Variants in GALNTL6 observed in about 807,000 individuals in gnomAD.
GALNTL6 encodes polypeptide N-acetylgalactosaminyltransferase like 6, also known as polypeptide N-acetylgalactosaminyltransferase-like 6.
GALNTL6 carries 46 observed loss-of-function variants against 73.7 expected under a neutral mutation model. That is an observed-to-expected ratio of 0.62 (90% CI 0.49 to 0.80). GALNTL6 has a LOEUF of 0.80. Ranked by LOEUF, GALNTL6 falls within the 30% of genes least tolerant of loss-of-function variation. GALNTL6 has a pLI of 0.00. For missense variants in GALNTL6, 604 were observed against 755.0 expected, an observed-to-expected ratio of 0.80 and a Z score of 2.34; for synonymous variants, 259 against 263.7, an observed-to-expected ratio of 0.98 and a Z score of 0.17.
chr4:172,222,070 G>A (rs559926632), intron 2 of GALNTL6, among the ~76,000 whole-genome samples: 4 of 151,680 alleles, frequency 2.6e-5, no homozygotes, highest in Admixed American at 1.3e-4. Context: ...GGAGAAAAGG[G>A]GATCAACACA....
At chr4:172,400,503 TA>T (rs1049939236) in intron 5 of GALNTL6, among the ~76,000 whole-genome samples, 1 of 152,110 alleles carries the variant, frequency 6.6e-6, no homozygotes, top group Non-Finnish European at 1.5e-5. Flanking sequence ...TGACGTATGT[TA>T]AAAATGCATG....
chr4:172,828,956 C>T (rs4696031), intron 7 of GALNTL6, among the ~76,000 whole-genome samples: 40,033 of 152,046 alleles, frequency 0.26, 7,124 homozygotes, highest in African/African-American at 0.5. Flanking sequence ...GTCAAGGTGT[C>T]GGCGGAGCTA....
intron 5 of GALNTL6, among the ~76,000 whole-genome samples, chr4:172,525,642 C>T (rs978252322): frequency 7.2e-5 from 11 of 152,000 alleles, no homozygotes; most frequent in African/African-American, 2.2e-4. Context: ...GCAGGAGGAC[C>T]GTTTGAGCCC....
intron 2 of GALNTL6, among the ~76,000 whole-genome samples, chr4:172,051,927 T>A (rs1730884633): frequency 6.6e-6 from 1 of 152,146 alleles, no homozygotes; most frequent in Admixed American, 6.6e-5. Context: ...AGAGTCAACC[T>A]TTCCAGCATT....
intron 8 of GALNTL6, 87 bp from the exon 9 acceptor site, chr4:172,931,074 A>AT: frequency 1.3e-6 from 1 of 788,378 alleles, no homozygotes; most frequent in South Asian, 1.5e-5. Context: ...ACTTTTAGAG[A>AT]TTTTAAGATG....
chr4:172,868,712 C>G (rs564310565), intron 7 of GALNTL6, among the ~76,000 whole-genome samples: 1 of 152,188 alleles, frequency 6.6e-6, no homozygotes, highest in Non-Finnish European at 1.5e-5. Context: ...GCTGGGCACC[C>G]GTGGGACCCA....
chr4:172,748,601 C>T (rs1260937209), intron 5 of GALNTL6, among the ~76,000 whole-genome samples: 4 of 151,906 alleles, frequency 2.6e-5, no homozygotes, highest in Non-Finnish European at 5.9e-5. Context: ...TTACCAGAGG[C>T]TGGGGTTACG....
chr4:172,179,205 G>C (rs1579220341), intron 2 of GALNTL6, among the ~76,000 whole-genome samples: 1 of 150,406 alleles, frequency 6.6e-6, no homozygotes, highest in South Asian at 2.1e-4. Context: ...GGTATTTCTA[G>C]TTCTAGATCC....
At chr4:172,376,415 A>T (rs1281001208) in intron 5 of GALNTL6, among the ~76,000 whole-genome samples, 2 of 152,046 alleles carry the variant, frequency 1.3e-5, no homozygotes, top group Non-Finnish European at 2.9e-5. Context: ...GGCACCCCGG[A>T]GCTGAATGGC....
chr4:173,007,494 G>A (rs934970739), intron 10 of GALNTL6, among the ~76,000 whole-genome samples: 5 of 152,100 alleles, frequency 3.3e-5, no homozygotes, highest in Admixed American at 2.6e-4. Context: ...GAAGATTGGC[G>A]AAACCTTCAA....
At chr4:171,929,785 C>A (rs1312936607) in intron 2 of GALNTL6, among the ~76,000 whole-genome samples, 2 of 152,204 alleles carry the variant, frequency 1.3e-5, no homozygotes, top group African/African-American at 2.4e-5. Flanking sequence ...CTGCAGCAGC[C>A]ACCCAGTCCC....
intron 5 of GALNTL6, among the ~76,000 whole-genome samples, chr4:172,673,833 T>C (rs1314444387): frequency 6.6e-6 from 1 of 152,218 alleles, no homozygotes; most frequent in South Asian, 2.1e-4. Flanking sequence ...TGGATTTTTC[T>C]CCCTCCCTTT....
At chr4:172,832,279 A>T (rs1742680800) in intron 7 of GALNTL6, among the ~76,000 whole-genome samples, 1 of 152,190 alleles carries the variant, frequency 6.6e-6, no homozygotes, top group African/African-American at 2.4e-5. Flanking sequence ...GTGGGAAGTT[A>T]ATTACTTACT....
chr4:172,893,797 T>C (rs1746177861), intron 8 of GALNTL6, among the ~76,000 whole-genome samples: 1 of 152,188 alleles, frequency 6.6e-6, no homozygotes, highest in Non-Finnish European at 1.5e-5. Context: ...CTGGGATCCA[T>C]GCAGGTTTGA....
intron 2 of GALNTL6, among the ~76,000 whole-genome samples, chr4:171,972,218 T>C (rs1739593779): frequency 6.6e-6 from 1 of 152,178 alleles, no homozygotes; most frequent in Non-Finnish European, 1.5e-5. Context: ...CATATATATG[T>C]GTGTGTGCAT....
intron 2 of GALNTL6, among the ~76,000 whole-genome samples, chr4:172,069,567 A>ATAT (rs1301342123): frequency 1.1e-4 from 6 of 55,080 alleles, no homozygotes; most frequent in Admixed American, 2.1e-4. Context: ...TATATATAAC[A>ATAT]CATATATGTT....
chr4:172,759,615 G>C (rs553411109), intron 5 of GALNTL6, among the ~76,000 whole-genome samples: 1 of 152,206 alleles, frequency 6.6e-6, no homozygotes, highest in Admixed American at 6.5e-5. Flanking sequence ...CCACCTGACT[G>C]TGTCCTCACT....
intron 11 of GALNTL6, among the ~76,000 whole-genome samples, chr4:173,015,436 T>C (rs1752742132): frequency 6.6e-6 from 1 of 152,170 alleles, no homozygotes; most frequent in African/African-American, 2.4e-5. Flanking sequence ...GCAGGAAAGT[T>C]TGGAACTTCC....
intron 2 of GALNTL6, among the ~76,000 whole-genome samples, chr4:172,193,133 C>A (rs76009023): frequency 3.3e-5 from 5 of 152,182 alleles, no homozygotes; most frequent in Non-Finnish European, 7.3e-5. Flanking sequence ...AGAGGGACTA[C>A]CCCCAGCACA....
Sources: allele counts gnomAD v4.1 joint callset (sites outside exome capture counted in the v4.1 genomes callset), GRCh38; gene constraint gnomAD v4.1.1; transcripts MANE v1.5; gene names NCBI Gene and HGNC (gene_info 2026-07-23, HGNC 2026-07-21).